CFDP1: variants seen among roughly 807,000 people sequenced by gnomAD.
CFDP1 encodes chromatin remodeling protein CFDP1.
A neutral mutation model predicts 40.1 loss-of-function variants in CFDP1; 31 were observed. That is an observed-to-expected ratio of 0.77 (90% CI 0.58 to 1.04). The LOEUF (loss-of-function observed/expected upper bound fraction) is 1.04. Among genes scored for constraint, CFDP1 ranks in the 50% least tolerant of loss-of-function variants. CFDP1 has a pLI of 0.00. For missense variants in CFDP1, 423 were observed against 343.4 expected, an observed-to-expected ratio of 1.23 and a Z score of -1.83; for synonymous variants, 167 against 120.0, an observed-to-expected ratio of 1.39 and a Z score of -2.56.
chr16:75,374,633 A>C (rs531165391), intron 5 of CFDP1, among the ~76,000 whole-genome samples: 1 of 152,186 alleles, frequency 6.6e-6, no homozygotes, highest in African/African-American at 2.4e-5. Context: ...CCTGGGCAAC[A>C]TAGTGAGACC....
chr16:75,297,076 C>T (rs536416553), intron 6 of CFDP1, among the ~76,000 whole-genome samples: 1 of 151,122 alleles, frequency 6.6e-6, no homozygotes, highest in African/African-American at 2.4e-5. Context: ...GTGAGAAGTG[C>T]TTTGTATACA....
At chr16:75,414,414 C>T (rs1294678204) in intron 2 of CFDP1, among the ~76,000 whole-genome samples, 164 bp downstream of exon 2, 1 of 152,118 alleles carries the variant, frequency 6.6e-6, no homozygotes, top group East Asian at 1.9e-4. Flanking sequence ...TTAAAGCTTT[C>T]CAGAGACCAA....
intron 1 of CFDP1, among the ~76,000 whole-genome samples, chr16:75,416,921 G>A (rs1450614762): frequency 6.6e-6 from 1 of 152,180 alleles, no homozygotes; most frequent in Non-Finnish European, 1.5e-5. Context: ...TTCATGAAGA[G>A]AGCAGTGAGT....
At chr16:75,364,297 GCTGT>G (rs919144961) in intron 5 of CFDP1, among the ~76,000 whole-genome samples, 1 of 152,072 alleles carries the variant, frequency 6.6e-6, no homozygotes, top group Admixed American at 6.6e-5. Flanking sequence ...TCTACCCTTT[GCTGT>G]CTTTTAGCTA....
At chr16:75,399,245 A>G (rs866605158) in intron 4 of CFDP1, among the ~76,000 whole-genome samples, 3 of 152,146 alleles carry the variant, frequency 2.0e-5, no homozygotes, top group Non-Finnish European at 4.4e-5. Flanking sequence ...GCTTTCTTAC[A>G]CTGTTGTAAA....
At chr16:75,324,935 A>G (rs1168432746) in intron 5 of CFDP1, 7 of 152,180 alleles carry the variant, frequency 4.6e-5, no homozygotes, top group African/African-American at 1.7e-4. Flanking sequence ...CCTTTAATTT[A>G]GAACAGTCCC....
chr16:75,366,454 C>T (rs570840846), intron 5 of CFDP1, among the ~76,000 whole-genome samples: 1 of 152,274 alleles, frequency 6.6e-6, no homozygotes, highest in South Asian at 2.1e-4. Context: ...GAAACCCTGT[C>T]TCTACCAAAA....
chr16:75,385,027 T>A (rs1363627443), intron 5 of CFDP1, among the ~76,000 whole-genome samples: 1 of 151,546 alleles, frequency 6.6e-6, no homozygotes, highest in African/African-American at 2.4e-5. Flanking sequence ...TTATTCTTAA[T>A]TTATTTTTAA....
intron 5 of CFDP1, among the ~76,000 whole-genome samples, chr16:75,361,356 C>G (rs548762582): frequency 3.6e-4 from 55 of 152,270 alleles, no homozygotes; most frequent in African/African-American, 1.3e-3. Context: ...GTGGCTCACA[C>G]CTGTAATCCC....
At chr16:75,309,828 A>AAAAC (rs2078284116) in intron 5 of CFDP1, among the ~76,000 whole-genome samples, 2 of 150,188 alleles carry the variant, frequency 1.3e-5, no homozygotes, top group South Asian at 2.1e-4. Flanking sequence ...TCAAAAAAAA[A>AAAAC]AAAAAAAAAA....
At chr16:75,297,907 T>C (rs2078195374) in intron 6 of CFDP1, among the ~76,000 whole-genome samples, 1 of 152,124 alleles carries the variant, frequency 6.6e-6, no homozygotes, top group African/African-American at 2.4e-5. Context: ...AAAATGCTAC[T>C]AGGGAACATG....
In CFDP1 at chr16:75,389,664, C is replaced by G. The variant is rs576221606; in HGVS notation, c.650+5426G>C. Among the ~76,000 whole-genome samples, 6 of 108,014 alleles carry G rather than the reference C, an allele frequency of 5.6e-5. No homozygotes were observed. The East Asian group carries it at 1.7e-3, about 30-fold the overall frequency. The allele number at this position is 108,014 out of a possible 152,430, so 70.9% of individuals were successfully genotyped here. A position where few individuals can be genotyped will look rare whatever the true frequency, so the allele number is the denominator to read the frequency against. Reference sequence around the variant, plus strand: ...AATTTCTATAAACTGAAGCAGCTCCCAAAATGAAAAAAGTCTGTGGGAAAA... The same window carrying G: ...AATTTCTATAAACTGAAGCAGCTCCGAAAATGAAAAAAGTCTGTGGGAAAA... On this transcript the variant is annotated intron_variant, in intron 5 of 6. Coordinates refer to ENST00000283882, the MANE Select transcript of CFDP1 (RefSeq NM_006324.3).
intron 1 of CFDP1, among the ~76,000 whole-genome samples, chr16:75,417,774 C>T (rs1361527715): frequency 6.6e-6 from 1 of 151,762 alleles, no homozygotes; most frequent in East Asian, 1.9e-4. Context: ...ACTTTAAAAA[C>T]AGTATTCTGA....
chr16:75,345,378 A>C (rs2078555459), intron 5 of CFDP1, among the ~76,000 whole-genome samples: 3 of 152,122 alleles, frequency 2.0e-5, no homozygotes, highest in Admixed American at 2.0e-4. Context: ...AATCGCTTGA[A>C]TGTGGGAAGT....
intron 6 of CFDP1, among the ~76,000 whole-genome samples, chr16:75,303,348 A>G (rs1377095864): frequency 6.6e-6 from 1 of 152,012 alleles, no homozygotes; most frequent in East Asian, 1.9e-4. Context: ...CCTGGGTGAC[A>G]GGGTGAGACT....
intron 5 of CFDP1, among the ~76,000 whole-genome samples, chr16:75,323,770 G>A (rs2078383289): frequency 7.4e-6 from 1 of 134,434 alleles, no homozygotes; most frequent in Non-Finnish European, 1.6e-5. Flanking sequence ...CAAGAGCGAA[G>A]CTCTGTCTCA....
At chr16:75,431,179 C>T (rs1328008320) in intron 1 of CFDP1, among the ~76,000 whole-genome samples, 4 of 151,716 alleles carry the variant, frequency 2.6e-5, no homozygotes, top group Non-Finnish European at 4.4e-5. Flanking sequence ...GGGCCTGGCA[C>T]GGTGGCTCAC....
intron 5 of CFDP1, among the ~76,000 whole-genome samples, chr16:75,347,957 T>C (rs1017268475): frequency 6.6e-6 from 1 of 151,942 alleles, no homozygotes; most frequent in African/African-American, 2.4e-5. Context: ...AAAATAAATA[T>C]AGGCTGAGAA....
chr16:75,327,826 C>A (rs372102192), intron 5 of CFDP1, among the ~76,000 whole-genome samples: 1 of 152,074 alleles, frequency 6.6e-6, no homozygotes, highest in East Asian at 1.9e-4. Flanking sequence ...AGGGTTCAAG[C>A]GATTCTCCTG....
Sources: gnomAD v4.1 joint callset for allele counts (sites outside exome capture counted in the v4.1 genomes callset) on GRCh38, gnomAD v4.1.1 for gene constraint, MANE v1.5 for transcripts, NCBI Gene and HGNC (gene_info 2026-07-23, HGNC 2026-07-21) for gene names.